Variants in DAB1 observed in about 807,000 individuals in gnomAD.
DAB1 encodes disabled homolog 1.
DAB1 carries 15 observed loss-of-function variants against 64.6 expected under a neutral mutation model. That is an observed-to-expected ratio of 0.23 (90% CI 0.16 to 0.36). The LOEUF (loss-of-function observed/expected upper bound fraction) is 0.36, where lower values mean the gene tolerates loss of function less well. DAB1 is among the 10% of genes least tolerant of loss of function. The pLI is 1.00. For missense variants in DAB1, 596 were observed against 706.7 expected (o/e 0.84, Z 1.78); for synonymous variants, 235 against 251.9 (o/e 0.93, Z 0.64).
At chr1:57,124,448 TCTC>T (rs1335101967) in intron 4 of DAB1, among the ~76,000 whole-genome samples, 4 of 152,148 alleles carry the variant, frequency 2.6e-5, no homozygotes, top group Non-Finnish European at 4.4e-5. Flanking sequence ...TGAACTATCT[TCTC>T]CTCAAAAGTG....
At chr1:58,225,784 G>A (rs1201393360) in intron 4 of DAB1, among the ~76,000 whole-genome samples, 47 of 127,106 alleles carry the variant, frequency 3.7e-4, no homozygotes, top group Admixed American at 8.8e-4. Flanking sequence ...ACACAGGAAG[G>A]GGAACATCAC....
intron 2 of DAB1, among the ~76,000 whole-genome samples, chr1:57,251,389 T>A (rs193244955): frequency 1.3e-5 from 2 of 152,272 alleles, no homozygotes; most frequent in Admixed American, 1.3e-4. Flanking sequence ...GAATTTTTGG[T>A]GAGGATGTAC....
intron 1 of DAB1, among the ~76,000 whole-genome samples, chr1:57,835,819 G>A (rs852786): frequency 6.6e-6 from 1 of 152,034 alleles, no homozygotes; most frequent in Non-Finnish European, 1.5e-5. Context: ...TGCTGTTTCC[G>A]AAAGACACCT....
chr1:58,025,554 A>C (rs930260344), intron 5 of DAB1, among the ~76,000 whole-genome samples: 2 of 148,522 alleles, frequency 1.3e-5, no homozygotes, highest in South Asian at 4.2e-4. Flanking sequence ...AATATTATAT[A>C]TATATAGAGA....
chr1:57,508,326 C>T (rs781613474), intron 7 of DAB1, among the ~76,000 whole-genome samples: 5 of 152,132 alleles, frequency 3.3e-5, no homozygotes, highest in Admixed American at 6.5e-5. Context: ...CTGTTGAACT[C>T]GAACACCTAG....
chr1:58,210,395 A>G (rs936781506), intron 4 of DAB1, among the ~76,000 whole-genome samples: 1 of 152,252 alleles, frequency 6.6e-6, no homozygotes, highest in Non-Finnish European at 1.5e-5. Context: ...GAGGAAGGTG[A>G]TCCTAAAGAT....
At chr1:58,275,751 C>G (rs919165334) in intron 4 of DAB1, among the ~76,000 whole-genome samples, 8 of 152,170 alleles carry the variant, frequency 5.3e-5, no homozygotes, top group Non-Finnish European at 1.2e-4. Flanking sequence ...TCAGCTGCTA[C>G]AGAAATAGTA....
At chr1:58,217,292 C>T (rs1039835824) in intron 4 of DAB1, among the ~76,000 whole-genome samples, 1 of 152,112 alleles carries the variant, frequency 6.6e-6, no homozygotes, top group Non-Finnish European at 1.5e-5. Flanking sequence ...CAGGTGAGTA[C>T]GCAAGGGCCC....
intron 3 of DAB1, among the ~76,000 whole-genome samples, chr1:58,383,036 C>T (rs140354489): frequency 2.0e-5 from 3 of 152,258 alleles, no homozygotes; most frequent in Non-Finnish European, 2.9e-5. Context: ...GCACAAGGGA[C>T]ACGTAGCAAA....
At chr1:58,494,354 A>G (rs1359900855) in intron 3 of DAB1, among the ~76,000 whole-genome samples, 3 of 152,108 alleles carry the variant, frequency 2.0e-5, no homozygotes, top group Non-Finnish European at 2.9e-5. Flanking sequence ...GGACATAGGC[A>G]TGGGCAAGGA....
At chr1:58,169,060 T>A (rs1258137615) in intron 4 of DAB1, among the ~76,000 whole-genome samples, 2 of 152,206 alleles carry the variant, frequency 1.3e-5, no homozygotes, top group Non-Finnish European at 2.9e-5. Flanking sequence ...TGCTGCTACG[T>A]TGATGAGTGC....
chr1:57,047,224 C>T (rs865943627), intron 9 of DAB1, among the ~76,000 whole-genome samples: 3 of 152,156 alleles, frequency 2.0e-5, no homozygotes, highest in Non-Finnish European at 2.9e-5. Flanking sequence ...GGGAGAATAA[C>T]GAAATAGCAC....
intron 7 of DAB1, among the ~76,000 whole-genome samples, chr1:57,597,267 A>T (rs951000293): frequency 6.6e-6 from 1 of 152,236 alleles, no homozygotes; most frequent in Non-Finnish European, 1.5e-5. Context: ...TCAAGAAGCC[A>T]TACAGCAAAT....
chr1:57,890,155 T>C (rs1006986153), intron 5 of DAB1, among the ~76,000 whole-genome samples: 3 of 151,960 alleles, frequency 2.0e-5, no homozygotes, highest in Non-Finnish European at 4.4e-5. Context: ...GTTTGAGTGA[T>C]TGGAGTTAGG....
At chr1:58,324,353 T>C (rs532143151) in intron 4 of DAB1, among the ~76,000 whole-genome samples, 15 of 152,336 alleles carry the variant, frequency 9.8e-5, no homozygotes, top group East Asian at 9.7e-4. Context: ...AAAAATTATT[T>C]GTATGAATAT....
chr1:58,176,445 T>C (rs1409180890), intron 4 of DAB1, among the ~76,000 whole-genome samples: 1 of 152,208 alleles, frequency 6.6e-6, no homozygotes, highest in Non-Finnish European at 1.5e-5. Flanking sequence ...TTAGTCCATT[T>C]TGTGTGACTA....
chr1:58,318,221 A>G lies in DAB1; in HGVS notation n.309+25131T>C, dbSNP rs1019653179. Among the ~76,000 whole-genome samples, 3 of 152,104 alleles carry G rather than the reference A, an allele frequency of 2.0e-5. No individual in the cohort carries two copies. The South Asian group carries it at 6.2e-4, about 32-fold the overall frequency. Reference sequence around the variant, plus strand: ...CTCATGCTAACCGCACCTCATTCCTACAAGCAAGTCAGATCTGAGCTGGTA... The same window carrying G: ...CTCATGCTAACCGCACCTCATTCCTGCAAGCAAGTCAGATCTGAGCTGGTA... On this transcript the variant is annotated intron_variant and non_coding_transcript_variant, in intron 4 of 20. Transcript: ENST00000485760.
intron 6 of DAB1, among the ~76,000 whole-genome samples, chr1:57,663,730 T>C (rs1646414203): frequency 1.3e-5 from 2 of 152,168 alleles, no homozygotes; most frequent in Admixed American, 6.5e-5. Context: ...GGTTAATTTA[T>C]ATTATTTTAT....
At position 57,676,287 on chromosome 1, in the gene DAB1, C is replaced by T. The variant is rs999018667; in HGVS notation, n.552-26622G>A. ...CCCTTTCCATTCAGGAAGAGAAGACCTTCTGTTCAAAATATTTAAGACCCA... is the reference window on the plus strand; with the variant it reads ...CCCTTTCCATTCAGGAAGAGAAGACTTTCTGTTCAAAATATTTAAGACCCA... On this transcript the variant is annotated intron_variant and non_coding_transcript_variant, in intron 6 of 20. Coordinates refer to the DAB1 transcript ENST00000485760. Among the ~76,000 whole-genome samples the T allele has an allele frequency of 1.7e-4, 26 of 152,294 alleles. 2 individuals are homozygous for T. The highest frequency in any genetic ancestry group is 6.0e-4 in the African/African-American group (25 of 41,578).
Sources: gnomAD v4.1 joint callset for allele counts (sites outside exome capture counted in the v4.1 genomes callset) on GRCh38, gnomAD v4.1.1 for gene constraint, MANE v1.5 for transcripts, NCBI Gene and HGNC (gene_info 2026-07-23, HGNC 2026-07-21) for gene names.